The following BMPR2 variants were observed in gnomAD, a reference collection of about 807,000 sequenced individuals.
The protein encoded by BMPR2 is bone morphogenetic protein receptor type 2.
BMPR2 carries 29 observed loss-of-function variants against 100.8 expected under a neutral mutation model. The ratio of observed to expected loss-of-function variants is 0.29; its 90% confidence interval spans 0.21 to 0.39. The LOEUF is 0.39. Ranked by LOEUF, BMPR2 falls within the 10% of genes least tolerant of loss-of-function variation. The probability of loss-of-function intolerance (pLI) is 1.00; values close to 1 mark genes in which losing one functional copy is unlikely to be tolerated. For synonymous variants in BMPR2, 382 were observed against 442.3 expected, an observed-to-expected ratio of 0.86 and a Z score of 1.71; for missense variants, 1,011 against 1,274.5, an observed-to-expected ratio of 0.79 and a Z score of 3.15.
chr2:202,507,388 C>G (rs1687540608), intron 3 of BMPR2, among the ~76,000 whole-genome samples: 1 of 152,106 alleles, frequency 6.6e-6, no homozygotes, highest in South Asian at 2.1e-4. Flanking sequence ...AAGTGGGAGT[C>G]ACTTTTTTTC....
intron 3 of BMPR2, among the ~76,000 whole-genome samples, chr2:202,488,981 A>T (rs1044509423): frequency 6.6e-6 from 1 of 151,444 alleles, no homozygotes; most frequent in African/African-American, 2.4e-5. Context: ...TGGAATCATA[A>T]GGTATCTGTC....
At chr2:202,429,690 A>G (rs952011345) in intron 1 of BMPR2, among the ~76,000 whole-genome samples, 2 of 152,292 alleles carry the variant, frequency 1.3e-5, no homozygotes, top group South Asian at 2.1e-4. Context: ...TAATTGACTC[A>G]CAGTTCCACA....
chr2:202,390,449 C>T lies in BMPR2; in HGVS notation c.76+12899C>T, dbSNP rs374503063. Among the ~76,000 whole-genome samples, 31 of 151,914 alleles carry T rather than the reference C, an allele frequency of 2.0e-4. No individual in the cohort carries two copies. The East Asian group carries it at 4.7e-3, about 23-fold the overall frequency. Reference sequence around the variant, plus strand: ...CCAGGTTCAAGCCATCCTCCTGCCTCAGCCCCCCAGTAGCTGGAATTACAG... The same window carrying T: ...CCAGGTTCAAGCCATCCTCCTGCCTTAGCCCCCCAGTAGCTGGAATTACAG... On this transcript the variant is annotated intron_variant, in intron 1 of 12. Transcript: ENST00000374580.
chr2:202,402,354 TA>T (rs969135397), intron 1 of BMPR2, among the ~76,000 whole-genome samples: 1 of 151,542 alleles, frequency 6.6e-6, no homozygotes, highest in African/African-American at 2.4e-5. Flanking sequence ...CTGTCTCTAC[TA>T]AAAATATAAA....
intron 1 of BMPR2, among the ~76,000 whole-genome samples, chr2:202,384,026 C>T (rs890843959): frequency 1.3e-5 from 2 of 150,866 alleles, no homozygotes; most frequent in African/African-American, 4.9e-5. Flanking sequence ...ACAAAAATTA[C>T]CCGGGCGTGG....
rs1428660709 is a variant in BMPR2, at chr2:202,552,808, T to C, written c.1506T>C (p.Ala502=). The change falls in exon 11 of 13, where the codon GCT becomes GCC. Residue 502 remains alanine (A), a synonymous_variant. Coordinates refer to ENST00000374580, the MANE Select transcript of BMPR2 (RefSeq NM_001204.7). ...LTAQCAEERM[A]ELMMIWERNK... The stretch of plus-strand genomic sequence containing the variant: ...CACAGTGTGCTGAGGAAAGGATGGC[T>C]GAACTTATGATGATTTGGGAAAGAA... 1.9e-6 allele frequency: 3 copies of C among 1,614,068 alleles called. No homozygotes were observed. Among genetic ancestry groups the C allele is most frequent in the Non-Finnish European group, 2.5e-6 (3 of 1,180,040 alleles).
chr2:202,468,862 CCTAT>C (rs1245441781), intron 3 of BMPR2, among the ~76,000 whole-genome samples: 1 of 151,562 alleles, frequency 6.6e-6, no homozygotes, highest in East Asian at 1.9e-4. Flanking sequence ...AATAAAAAAG[CCTAT>C]CTATTATTGA....
chr2:202,423,055 G>A (rs1171884978), intron 1 of BMPR2, among the ~76,000 whole-genome samples: 1 of 152,140 alleles, frequency 6.6e-6, no homozygotes, highest in Non-Finnish European at 1.5e-5. Context: ...AGGATCAGAT[G>A]ATGACCCAAG....
At chr2:202,471,674 G>A (rs1264866358) in intron 3 of BMPR2, among the ~76,000 whole-genome samples, 1 of 152,156 alleles carries the variant, frequency 6.6e-6, no homozygotes, top group Non-Finnish European at 1.5e-5. Flanking sequence ...TGTGGGAAAG[G>A]TCTAGGTCAA....
At chr2:202,493,792 T>G (rs1419755843) in intron 3 of BMPR2, among the ~76,000 whole-genome samples, 1 of 152,194 alleles carries the variant, frequency 6.6e-6, no homozygotes, top group Non-Finnish European at 1.5e-5. Flanking sequence ...TTTAGACTGT[T>G]ATTTCTCTCT....
chr2:202,460,323 A>G (rs1466205023), intron 1 of BMPR2, among the ~76,000 whole-genome samples: 1 of 152,220 alleles, frequency 6.6e-6, no homozygotes, highest in Admixed American at 6.5e-5. Context: ...TGCAGCCATA[A>G]AAAAGAATTC....
intron 1 of BMPR2, among the ~76,000 whole-genome samples, chr2:202,396,041 C>T (rs1205286932): frequency 6.6e-6 from 1 of 152,040 alleles, no homozygotes; most frequent in Admixed American, 6.6e-5. Context: ...GAAGAGCAGC[C>T]AGGTGGCAAA....
chr2:202,419,658 G>GT (rs908361787), intron 1 of BMPR2, among the ~76,000 whole-genome samples: 1 of 151,850 alleles, frequency 6.6e-6, no homozygotes, highest in African/African-American at 2.4e-5. Flanking sequence ...CCTGGTGTAT[G>GT]TTTTTTTTAA....
At chr2:202,442,036 A>T (rs1046666195) in intron 1 of BMPR2, among the ~76,000 whole-genome samples, 9 of 138,286 alleles carry the variant, frequency 6.5e-5, no homozygotes, top group Non-Finnish European at 8.0e-5. Flanking sequence ...TTTGTCTCTC[A>T]AAAAAAAAAA....
intron 1 of BMPR2, among the ~76,000 whole-genome samples, chr2:202,443,966 A>G (rs1691798972): frequency 6.6e-6 from 1 of 150,530 alleles, no homozygotes; most frequent in South Asian, 2.1e-4. Flanking sequence ...ACTACCGACT[A>G]ATAACATAGT....
chr2:202,475,246 C>G (rs558183919), intron 3 of BMPR2: 3 of 151,666 alleles, frequency 2.0e-5, no homozygotes, highest in Non-Finnish European at 4.4e-5. Context: ...TTTGGCCAAG[C>G]TGGTCTCGAA....
intron 1 of BMPR2, among the ~76,000 whole-genome samples, chr2:202,402,104 G>C (rs1410131198): frequency 6.6e-6 from 1 of 152,204 alleles, no homozygotes; most frequent in Non-Finnish European, 1.5e-5. Flanking sequence ...AGACTTCCCT[G>C]CCATCCAAGA....
chr2:202,433,034 C>G (rs1234979701), intron 1 of BMPR2, among the ~76,000 whole-genome samples: 1 of 150,238 alleles, frequency 6.7e-6, no homozygotes, highest in Non-Finnish European at 1.5e-5. Context: ...TAGCCGTAAG[C>G]AAGTCCTATA....
chr2:202,542,562 C>A (rs928118747), intron 10 of BMPR2, 115 bp downstream of exon 10: 1 of 1,255,976 alleles, frequency 8.0e-7, no homozygotes, highest in Non-Finnish European at 1.1e-6. Context: ...TGCCTAATGC[C>A]ACAAATCAAA....
Sources: allele counts gnomAD v4.1 joint callset (sites outside exome capture counted in the v4.1 genomes callset), GRCh38; gene constraint gnomAD v4.1.1; transcripts MANE v1.5; gene names NCBI Gene and HGNC (gene_info 2026-07-23, HGNC 2026-07-21).